Variants in PTPRR observed in about 807,000 individuals in gnomAD.
PTPRR encodes receptor-type tyrosine-protein phosphatase R.
Under a neutral mutation model 77.2 loss-of-function variants are expected in PTPRR, and 38 were observed. That is an observed-to-expected ratio of 0.49 (90% CI 0.38 to 0.65). PTPRR has a LOEUF of 0.65. Ranked by LOEUF, PTPRR falls within the 30% of genes least tolerant of loss-of-function variation. The pLI is 0.00. For missense variants in PTPRR, 744 were observed against 799.2 expected (o/e 0.93, Z 0.83); for synonymous variants, 299 against 283.1 (o/e 1.06, Z -0.57).
chr12:70,864,163 C>T (rs1407060864), intron 2 of PTPRR, among the ~76,000 whole-genome samples: 4 of 152,162 alleles, frequency 2.6e-5, no homozygotes, highest in African/African-American at 7.2e-5. Context: ...GTGCATATTC[C>T]TTTTGTGCAT....
At chr12:70,671,825 TG>T (rs1656704606) in intron 10 of PTPRR, 1 of 562,336 alleles carries the variant, frequency 1.8e-6, no homozygotes. Flanking sequence ...CTGCAGTCAT[TG>T]GTGCCAGTGC....
chr12:70,731,465 C>G (rs1471622994), intron 6 of PTPRR, among the ~76,000 whole-genome samples: 1 of 152,162 alleles, frequency 6.6e-6, no homozygotes, highest in African/African-American at 2.4e-5. Context: ...AATATGGAAC[C>G]ACTCAATTGT....
chr12:70,743,286 G>C (rs1276161616), intron 6 of PTPRR, among the ~76,000 whole-genome samples: 1 of 152,302 alleles, frequency 6.6e-6, no homozygotes, highest in East Asian at 1.9e-4. Flanking sequence ...CATGTGCTTT[G>C]GATTTGGTAG....
intron 2 of PTPRR, among the ~76,000 whole-genome samples, chr12:70,800,280 TTGTGCTGAGG>T (rs1565701352): frequency 6.6e-6 from 1 of 151,758 alleles, no homozygotes; most frequent in Non-Finnish European, 1.5e-5. Flanking sequence ...TTTTTTTTTT[TTGTGCTGAGG>T]TTATAGAGCT....
chr12:70,884,107 G>A (rs1383408246), intron 2 of PTPRR, among the ~76,000 whole-genome samples: 1 of 152,098 alleles, frequency 6.6e-6, no homozygotes, highest in Admixed American at 6.5e-5. Context: ...CTTTGCCCAG[G>A]GAGAGAACCT....
At chr12:70,828,099 C>T (rs995258752) in intron 2 of PTPRR, among the ~76,000 whole-genome samples, 4 of 152,150 alleles carry the variant, frequency 2.6e-5, no homozygotes, top group African/African-American at 7.2e-5. Context: ...AAAGTCCCTA[C>T]ATTGGGGATT....
Position 70,770,710 on chromosome 12 carries a change from G to T in PTPRR, c.358-5932C>A, listed in dbSNP as rs1027396716. 3.3e-5 allele frequency among the ~76,000 whole-genome samples: 5 copies of T among 152,206 alleles called. No individual in the cohort carries two copies. In the East Asian group the frequency reaches 5.8e-4, roughly 18 times the overall value. On this transcript the variant is annotated intron_variant, in intron 2 of 13. Transcript: ENST00000283228. ...GCTATAAAGACACATGCACACATAG[G>T]TTTATTGCGGCACAATTCACAATAG...
At chr12:70,857,515 T>A (rs1468773079) in intron 2 of PTPRR, among the ~76,000 whole-genome samples, 1 of 152,160 alleles carries the variant, frequency 6.6e-6, no homozygotes, top group Non-Finnish European at 1.5e-5. Flanking sequence ...GAATATAAAG[T>A]TTTTAGTGAT....
At chr12:70,890,439 C>T (rs914399920) in intron 2 of PTPRR, among the ~76,000 whole-genome samples, 20 of 152,240 alleles carry the variant, frequency 1.3e-4, no homozygotes, top group African/African-American at 4.6e-4. Context: ...ACACAACTTT[C>T]ATGCCCTTTT....
intron 2 of PTPRR, among the ~76,000 whole-genome samples, chr12:70,869,615 G>A (rs761322069): frequency 5.9e-5 from 9 of 152,140 alleles, no homozygotes; most frequent in Admixed American, 6.6e-5. Context: ...AGATTATCCT[G>A]GATTAGTAGG....
chr12:70,776,144 T>G (rs185454529), intron 2 of PTPRR, among the ~76,000 whole-genome samples: 5 of 152,270 alleles, frequency 3.3e-5, no homozygotes, highest in Admixed American at 3.3e-4. Flanking sequence ...TCAAATTTGC[T>G]TCTCTTTCTA....
chr12:70,918,279 A>G (rs929011516), intron 1 of PTPRR, among the ~76,000 whole-genome samples: 2 of 152,260 alleles, frequency 1.3e-5, no homozygotes, highest in African/African-American at 2.4e-5. Flanking sequence ...CAAGAGAACT[A>G]TAATATTAAA....
intron 1 of PTPRR, among the ~76,000 whole-genome samples, chr12:70,910,397 C>T (rs1592829297): frequency 6.6e-6 from 1 of 152,116 alleles, no homozygotes; most frequent in East Asian, 1.9e-4. Flanking sequence ...CATTTCAAAA[C>T]ATTTTTCAAT....
At chr12:70,660,442 T>C (rs1235073577) in intron 12 of PTPRR, among the ~76,000 whole-genome samples, 1 of 152,182 alleles carries the variant, frequency 6.6e-6, no homozygotes, top group African/African-American at 2.4e-5. Context: ...ATTTCATAAA[T>C]TTGTTTCAAC....
intron 6 of PTPRR, among the ~76,000 whole-genome samples, chr12:70,741,089 C>T (rs1890031219): frequency 6.6e-6 from 1 of 152,070 alleles, no homozygotes; most frequent in Non-Finnish European, 1.5e-5. Context: ...AAGTGTTTCC[C>T]AGTAACTGCT....
chr12:70,881,714 A>G (rs1400290869), intron 2 of PTPRR, among the ~76,000 whole-genome samples: 1 of 152,216 alleles, frequency 6.6e-6, no homozygotes, highest in Non-Finnish European at 1.5e-5. Context: ...TTCAAAAACA[A>G]AATTTAGAAA....
At chr12:70,667,555 C>T (rs1887057491) in intron 10 of PTPRR, among the ~76,000 whole-genome samples, 1 of 152,078 alleles carries the variant, frequency 6.6e-6, no homozygotes, top group Non-Finnish European at 1.5e-5. Flanking sequence ...AACATGATGG[C>T]CCTAAGTCAG....
At chr12:70,894,981 A>G (rs1893401817) in intron 1 of PTPRR, among the ~76,000 whole-genome samples, 1 of 151,744 alleles carries the variant, frequency 6.6e-6, no homozygotes, top group South Asian at 2.1e-4. Flanking sequence ...GTGGTCCAAA[A>G]AGATAAAGCT....
At chr12:70,659,003 A>T (rs1886694797) in intron 12 of PTPRR, among the ~76,000 whole-genome samples, 1 of 148,236 alleles carries the variant, frequency 6.7e-6, no homozygotes, top group South Asian at 2.1e-4. Context: ...CCTCGGTTCA[A>T]GCGATTCTCC....
Sources: allele counts gnomAD v4.1 joint callset (sites outside exome capture counted in the v4.1 genomes callset), GRCh38; gene constraint gnomAD v4.1.1; transcripts MANE v1.5; gene names NCBI Gene and HGNC (gene_info 2026-07-23, HGNC 2026-07-21).